SOCS3: variants seen among roughly 807,000 people sequenced by gnomAD.
SOCS3 encodes the protein STAT-induced STAT inhibitor 3.
SOCS3 carries 5 observed loss-of-function variants against 11.7 expected under a neutral mutation model. That is an observed-to-expected ratio of 0.43 (90% CI 0.22 to 0.90). The LOEUF (loss-of-function observed/expected upper bound fraction) is 0.90, where lower values mean the gene tolerates loss of function less well. Ranked by LOEUF, SOCS3 falls within the 40% of genes least tolerant of loss-of-function variation. SOCS3 has a pLI of 0.27. For synonymous variants in SOCS3, 143 were observed against 136.3 expected (o/e 1.05, Z -0.34); for missense variants, 203 against 302.0 (o/e 0.67, Z 2.43).
At chr17:78,360,080 C>T, upstream of SOCS3, 1 of 175,354 alleles carries the variant, frequency 5.7e-6, no homozygotes, top group Non-Finnish European at 1.2e-5. The surrounding 1 kb of genome is among the most constrained non-coding windows in gnomAD (Gnocchi z 5.6). Context: ...TCGGAGCCGC[C>T]GCGGAGGCCG....
chr17:78,360,499 C>G (rs974874793), upstream of SOCS3: 2 of 151,948 alleles, frequency 1.3e-5, no homozygotes, highest in Non-Finnish European at 2.9e-5. The surrounding 1 kb of genome is among the most constrained non-coding windows in gnomAD (Gnocchi z 5.6). Flanking sequence ...CCTGGAGAGC[C>G]TCCCGGTTCC....
chr17:78,358,988 G>A lies in SOCS3; in HGVS notation c.108C>T (p.Asn36=), dbSNP rs568429316. 4.4e-6 allele frequency: 7 copies of A among 1,577,600 alleles called. No homozygotes were observed. The African/African-American group carries it at 8.1e-5, about 18-fold the overall frequency. The change falls in exon 2 of 2, where the codon AAC becomes AAT. Residue 36 remains asparagine, a synonymous_variant. Transcript: ENST00000330871. This position sits in a 1 kb window ranked among gnomAD's most constrained non-coding sequence, Gnocchi z 4.7. The part of the protein sequence containing the change: ...SSKSEYQLVV[N]AVRKLQESGF... ...CGCTCTCCTGCAGCTTGCGCACTGCGTTCACCACCAGCTGGTACTCGCTCT... is the reference window on the plus strand; with the variant it reads ...CGCTCTCCTGCAGCTTGCGCACTGCATTCACCACCAGCTGGTACTCGCTCT...
rs1567910667 is a variant in SOCS3, at chr17:78,358,474, TGACTTTCTCATA to T, written c.610_621del (p.Tyr204_Val207del). On this transcript the variant is annotated inframe_deletion, in exon 2 of 2. Transcript: ENST00000330871. This position sits in a 1 kb window ranked among gnomAD's most constrained non-coding sequence, Gnocchi z 4.7. Reference sequence around the variant, plus strand: ...TCCCGAATGGGCCCCGGCAGCTGGGTGACTTTCTCATAGGAGTCCAGGTGGCCGTTGACGGTC... The same window carrying T: ...TCCCGAATGGGCCCCGGCAGCTGGGTGGAGTCCAGGTGGCCGTTGACGGTC... 6.2e-7 allele frequency: 1 copy of T among 1,613,600 alleles called. No homozygotes were observed. Among genetic ancestry groups the T allele is most frequent in the Non-Finnish European group, 8.5e-7 (1 of 1,179,940 alleles).
At chr17:78,360,139 G>T (rs575142030), upstream of SOCS3, 841 of 159,656 alleles carry the variant, frequency 5.3e-3, 3 homozygotes, top group Non-Finnish European at 7.0e-3. This position sits in a 1 kb window ranked among gnomAD's most constrained non-coding sequence, Gnocchi z 5.6. Flanking sequence ...CCGATTCCTG[G>T]AACTGCGCGG....
In SOCS3 at chr17:78,356,864, CT is replaced by C. The variant is rs1319777344; in HGVS notation, c.*1553del. On this transcript the variant is annotated 3_prime_UTR_variant, in exon 2 of 2. Transcript: ENST00000330871. This position sits in a 1 kb window ranked among gnomAD's most constrained non-coding sequence, Gnocchi z 6.1. Reference sequence around the variant, plus strand: ...AAATATAAATATGTGCAAAGTTTGACTTGGATTGGGATTTTGTTGAGTTCTT... The same window carrying C: ...AAATATAAATATGTGCAAAGTTTGACTGGATTGGGATTTTGTTGAGTTCTT... 1 of 152,442 alleles carries C rather than the reference CT, an allele frequency of 6.6e-6. No individual in the cohort carries two copies. Among genetic ancestry groups the C allele is most frequent in the African/African-American group, 2.4e-5 (1 of 41,374 alleles). The allele number at this position is 152,442 out of a possible 1,614,324, so 9.4% of individuals were successfully genotyped here.
chr17:78,358,789 A>T lies in SOCS3; in HGVS notation c.307T>A (p.Ser103Thr). Residue 103 changes from serine to threonine, a missense_variant, in exon 2 of 2, where the codon TCT becomes ACT. Physicochemically the swap from Ser to Thr is moderately conservative, Grantham distance 58 (BLOSUM62 1). This residue lies in a region of SOCS3 where 141 missense variants were observed against 200.5 expected (regional missense o/e 0.70). Transcript: ENST00000330871. This position sits in a 1 kb window ranked among gnomAD's most constrained non-coding sequence, Gnocchi z 4.7. ...LRIQCEGGSF[S>T]LQSDPRSTQP... ...GTGCTCCGGGGATCGCTCTGCAGAG[A>T]GAAGCTGCCCCCCTCACACTGGATG... is the stretch of plus-strand genomic sequence containing the variant. The T allele has an allele frequency of 6.2e-7, 1 of 1,613,032 alleles. No individual in the cohort carries two copies. The highest frequency in any genetic ancestry group is 8.5e-7 in the Non-Finnish European group (1 of 1,179,872).
upstream of SOCS3, chr17:78,360,638 G>C (rs2081605289): frequency 6.6e-6 from 1 of 152,324 alleles, no homozygotes; most frequent in African/African-American, 2.4e-5. The surrounding 1 kb of genome is among the most constrained non-coding windows in gnomAD (Gnocchi z 5.6). Context: ...CAGCCAGGCA[G>C]CGGGGCTGGG....
At position 78,358,621 on chromosome 17, in the gene SOCS3, T is replaced by C. The variant is rs1458881191; in HGVS notation, c.475A>G (p.Ser159Gly). The C allele has an allele frequency of 6.2e-7, 1 of 1,608,812 alleles. No individual in the cohort carries two copies. Among genetic ancestry groups the C allele is most frequent in the Non-Finnish European group, 8.5e-7 (1 of 1,176,936 alleles). ...ATGTAATAGGCTCTTCTGGGGGGAC[T>C]CCCAGGGAGTGGCTGGGCAGACGGC... ...EQPSAQPLPG[S>G]PPRRAYYIYS... Residue 159 changes from serine (S) to glycine (G), a missense_variant, in exon 2 of 2, where the codon AGT (serine) becomes GGT (glycine). Coordinates refer to ENST00000330871, the MANE Select transcript of SOCS3 (RefSeq NM_003955.5). This position sits in a 1 kb window ranked among gnomAD's most constrained non-coding sequence, Gnocchi z 4.7.
At position 78,359,910 on chromosome 17, in the gene SOCS3, C is replaced by T. The variant is rs1016827150; in HGVS notation, c.-249G>A. The T allele has an allele frequency of 9.1e-5, 15 of 165,222 alleles. No individual in the cohort carries two copies. Among genetic ancestry groups the T allele is most frequent in the Admixed American group, 6.5e-5 (1 of 15,484 alleles). 10.2% of individuals were successfully genotyped at this position (165,222 alleles called of 1,614,324 possible). A position where few individuals can be genotyped will look rare whatever the true frequency, so the allele number is the denominator to read the frequency against. On this transcript the variant is annotated 5_prime_UTR_variant, in exon 1 of 2. Coordinates refer to ENST00000330871, the MANE Select transcript of SOCS3 (RefSeq NM_003955.5). ...CGCGCGCGCGTCCCTCGAGCTTCCCCTGGGCGCCCGCCCTGCCCCCTGCGC... is the reference window on the plus strand; with the variant it reads ...CGCGCGCGCGTCCCTCGAGCTTCCCTTGGGCGCCCGCCCTGCCCCCTGCGC...
chr17:78,356,940 G>A lies in SOCS3; in HGVS notation c.*1478C>T, dbSNP rs1309249918. On this transcript the variant is annotated 3_prime_UTR_variant, in exon 2 of 2. Coordinates refer to ENST00000330871, the MANE Select transcript of SOCS3 (RefSeq NM_003955.5). The surrounding 1 kb of genome is among the most constrained non-coding windows in gnomAD (Gnocchi z 6.1). ...GGCCTGAGTAGGGGGGAGGAGAGAG[G>A]ACTGGAGGTGGAATCTTTATAAAAG... 2 of 152,434 alleles carry A rather than the reference G, an allele frequency of 1.3e-5. No homozygotes were observed. The highest frequency in any genetic ancestry group is 2.9e-5 in the Non-Finnish European group (2 of 67,982). The allele number at this position is 152,434 out of a possible 1,614,324, so 9.4% of individuals were successfully genotyped here.
chr17:78,358,582 C>T lies in SOCS3; in HGVS notation c.514G>A (p.Glu172Lys). ...CGGCTCAACACCAGGGGGATCTTCT[C>T]GCCCCCGGAGTAGATGTAATAGGCT... ...RRAYYIYSGG[E>K]KIPLVLSRPL... The change falls in exon 2 of 2, where the codon GAG (glutamate) becomes AAG (lysine). Residue 172 changes from glutamate (E) to lysine (K), a missense_variant. Coordinates refer to ENST00000330871, the MANE Select transcript of SOCS3 (RefSeq NM_003955.5). This position sits in a 1 kb window ranked among gnomAD's most constrained non-coding sequence, Gnocchi z 4.7. 1.2e-6 allele frequency: 2 copies of T among 1,612,948 alleles called. No individual in the cohort carries two copies. The highest frequency in any genetic ancestry group is 1.7e-6 in the Non-Finnish European group (2 of 1,179,872).
rs1380105741 is a variant in SOCS3, at chr17:78,358,614, G to A, written c.482C>T (p.Pro161Leu). 2.5e-6 allele frequency: 4 copies of A among 1,610,970 alleles called. No homozygotes were observed. The highest frequency in any genetic ancestry group is 1.7e-5 in the Admixed American group (1 of 59,946). The change falls in exon 2 of 2, where the codon CCC becomes CTC. Residue 161 changes from proline (P) to leucine (L), a missense_variant. This residue lies in a region of SOCS3 where 141 missense variants were observed against 200.5 expected (regional missense o/e 0.70). Transcript: ENST00000330871. The surrounding 1 kb of genome is among the most constrained non-coding windows in gnomAD (Gnocchi z 4.7). The part of the protein sequence containing the change: ...PSAQPLPGSP[P>L]RRAYYIYSGG... ...GGAGTAGATGTAATAGGCTCTTCTG[G>A]GGGGACTCCCAGGGAGTGGCTGGGC...
At chr17:78,360,081 G>A, upstream of SOCS3, 1 of 177,810 alleles carries the variant, frequency 5.6e-6, no homozygotes, top group Non-Finnish European at 1.2e-5. The surrounding 1 kb of genome is among the most constrained non-coding windows in gnomAD (Gnocchi z 5.6). Context: ...CGGAGCCGCC[G>A]CGGAGGCCGC....
rs2081583515 is a variant in SOCS3 at position 78,358,352 on chromosome 17, A to G, written c.*66T>C. The G allele has an allele frequency of 1.8e-5, 28 of 1,528,478 alleles. No individual in the cohort carries two copies. Among genetic ancestry groups the G allele is most frequent in the Non-Finnish European group, 2.5e-5 (28 of 1,107,088 alleles). 94.7% of individuals were successfully genotyped at this position (1,528,478 alleles called of 1,614,324 possible). Reference sequence around the variant, plus strand: ...CTGGTTGGCTTCTTGTGCTTGTGCCATGTGCCACGGAGGAGAGGGGCCTGC... The same window carrying G: ...CTGGTTGGCTTCTTGTGCTTGTGCCGTGTGCCACGGAGGAGAGGGGCCTGC... On this transcript the variant is annotated 3_prime_UTR_variant, in exon 2 of 2. Transcript: ENST00000330871. This position sits in a 1 kb window ranked among gnomAD's most constrained non-coding sequence, Gnocchi z 4.7.
In SOCS3 at chr17:78,358,174, A is replaced by C. The variant is rs2145991241; in HGVS notation, c.*244T>G. ...CACTTGTGGTTGCTATCGTCCCACCAGGACAGCTGGCTCCTCCGGAGAAGC... is the reference window on the plus strand; with the variant it reads ...CACTTGTGGTTGCTATCGTCCCACCCGGACAGCTGGCTCCTCCGGAGAAGC... On this transcript the variant is annotated 3_prime_UTR_variant, in exon 2 of 2. Transcript: ENST00000330871. This position sits in a 1 kb window ranked among gnomAD's most constrained non-coding sequence, Gnocchi z 4.7. 3 of 538,044 alleles carry C rather than the reference A, an allele frequency of 5.6e-6. No homozygotes were observed. Among genetic ancestry groups the C allele is most frequent in the Non-Finnish European group, 1.0e-5 (3 of 300,228 alleles). The allele number at this position is 538,044 out of a possible 1,614,324, so 33.3% of individuals were successfully genotyped here. A position where few individuals can be genotyped will look rare whatever the true frequency, so the allele number is the denominator to read the frequency against.
Position 78,358,500 on chromosome 17 carries a change from C to A in SOCS3, c.596G>T (p.Gly199Val). ...GACTTTCTCATAGGAGTCCAGGTGGCCGTTGACGGTCTTCCGACAGAGATG... is the reference window on the plus strand; with the variant it reads ...GACTTTCTCATAGGAGTCCAGGTGGACGTTGACGGTCTTCCGACAGAGATG... ...LQHLCRKTVNGHLDSYEKVTQ... is the reference protein window; with the variant it reads ...LQHLCRKTVNVHLDSYEKVTQ... The change falls in exon 2 of 2, where the codon GGC becomes GTC. Residue 199 changes from glycine to valine, a missense_variant. By Grantham distance (109) the Gly-to-Val change is moderately radical (BLOSUM62 -3). Transcript: ENST00000330871. The surrounding 1 kb of genome is among the most constrained non-coding windows in gnomAD (Gnocchi z 4.7). The A allele has an allele frequency of 1.2e-6, 2 of 1,613,668 alleles. No homozygotes were observed. The highest frequency in any genetic ancestry group is 1.7e-6 in the Non-Finnish European group (2 of 1,179,950).
upstream of SOCS3, chr17:78,360,883 G>C (rs1253786777): frequency 6.6e-6 from 1 of 152,504 alleles, no homozygotes; most frequent in African/African-American, 2.4e-5. This position sits in a 1 kb window ranked among gnomAD's most constrained non-coding sequence, Gnocchi z 5.6. Context: ...GGTTGGGCCA[G>C]GTGCTCTCGG....
chr17:78,359,077 A>C lies in SOCS3; in HGVS notation c.19T>G (p.Phe7Val). Residue 7 changes from phenylalanine (F) to valine (V), a missense_variant, in exon 2 of 2, where the codon TTT (phenylalanine) becomes GTT (valine). This residue lies in a region of SOCS3 where 57 missense variants were observed against 74.2 expected (regional missense o/e 0.77). Coordinates refer to ENST00000330871, the MANE Select transcript of SOCS3 (RefSeq NM_003955.5). ...GGGCGGCTCATCCCGGCGGCGGGAA[A>C]CTTGCTGTGGGTGACCATGGCGCAC... MVTHSK[F>V]PAAGMSRPLD... 1 of 1,564,100 alleles carries C rather than the reference A, an allele frequency of 6.4e-7. No individual in the cohort carries two copies.
upstream of SOCS3, chr17:78,360,080 C>A (rs1039391172): frequency 7.6e-4 from 133 of 175,354 alleles, no homozygotes; most frequent in Admixed American, 1.6e-3. The surrounding 1 kb of genome is among the most constrained non-coding windows in gnomAD (Gnocchi z 5.6). Context: ...TCGGAGCCGC[C>A]GCGGAGGCCG....
Sources: gnomAD v4.1 joint callset for allele counts on GRCh38, gnomAD v4.1.1 for gene constraint, gnomAD v4.1.1 regional missense constraint, Gnocchi (gnomAD v3.1) non-coding constraint, MANE v1.5 for transcripts, NCBI Gene and HGNC (gene_info 2026-07-23, HGNC 2026-07-21) for gene names.